SGIP1: variants seen among roughly 807,000 people sequenced by gnomAD.
The protein encoded by SGIP1 is SH3-containing GRB2-like protein 3-interacting protein 1.
SGIP1 carries 38 observed loss-of-function variants against 107.5 expected under a neutral mutation model. That is an observed-to-expected ratio of 0.35 (90% confidence interval 0.27 to 0.46). The LOEUF is 0.46. SGIP1 is among the 20% of genes least tolerant of loss of function. SGIP1 has a pLI of 1.00. For synonymous variants in SGIP1, 365 were observed against 366.1 expected (o/e 1.00, Z 0.03); for missense variants, 929 against 1,019.5 (o/e 0.91, Z 1.21).
intron 1 of SGIP1, among the ~76,000 whole-genome samples, chr1:66,554,414 C>T (rs1349178237): frequency 6.6e-6 from 1 of 152,150 alleles, no homozygotes; most frequent in Non-Finnish European, 1.5e-5. Context: ...ATCCATGCTA[C>T]TGTAACCTTT....
intron 7 of SGIP1, among the ~76,000 whole-genome samples, chr1:66,656,782 T>C (rs2079877557): frequency 1.3e-5 from 2 of 152,210 alleles, no homozygotes; most frequent in Non-Finnish European, 2.9e-5. Flanking sequence ...GCTTAATAAA[T>C]GAATAATCCT....
chr1:66,611,957 T>G (rs771294267), intron 1 of SGIP1, among the ~76,000 whole-genome samples: 7 of 152,196 alleles, frequency 4.6e-5, no homozygotes, highest in Non-Finnish European at 8.8e-5. Context: ...GTCAGTATTA[T>G]TCAACAGAAG....
rs114130334 is a variant in SGIP1 at position 66,721,346 on chromosome 1, C to T, written c.1742+1941C>T. On this transcript the variant is annotated intron_variant, in intron 19 of 24. Transcript: ENST00000371037. ...AAGAAAATTTATCACTGACTACTGA[C>T]CTTATACCTTAGAAAATCACGTTGG... Among the ~76,000 whole-genome samples, 1,179 of 152,280 alleles carry T rather than the reference C, an allele frequency of 7.7e-3. 19 individuals carry two copies. The highest frequency in any genetic ancestry group is 0.027 in the African/African-American group (1,123 of 41,556).
intron 21 of SGIP1, among the ~76,000 whole-genome samples, chr1:66,735,098 C>G (rs1572405353): frequency 1.3e-5 from 2 of 152,234 alleles, no homozygotes; most frequent in East Asian, 3.9e-4. Flanking sequence ...CAACATCTCT[C>G]TAAACAAACC....
intron 1 of SGIP1, among the ~76,000 whole-genome samples, chr1:66,616,882 G>A (rs2069455012): frequency 6.6e-6 from 1 of 152,034 alleles, no homozygotes; most frequent in Non-Finnish European, 1.5e-5. Flanking sequence ...TAGTGTCTCA[G>A]CATGAATTTT....
At chr1:66,681,622 T>C (rs199587922) in intron 14 of SGIP1, among the ~76,000 whole-genome samples, 1 of 152,214 alleles carries the variant, frequency 6.6e-6, no homozygotes, top group Non-Finnish European at 1.5e-5. Flanking sequence ...ATGGTCAAAG[T>C]AGCTAGCTGT....
At chr1:66,672,308 A>G (rs1056053068) in intron 11 of SGIP1, among the ~76,000 whole-genome samples, 5 of 152,116 alleles carry the variant, frequency 3.3e-5, no homozygotes, top group Non-Finnish European at 7.4e-5. Flanking sequence ...CTGATCTTCA[A>G]TATCATTATA....
Position 66,633,103 on chromosome 1 carries a change from TTAAA to T in SGIP1, c.99+13_99+16del. The T allele has an allele frequency of 6.6e-7, 1 of 1,520,604 alleles. No homozygotes were observed. Among genetic ancestry groups the T allele is most frequent in the Non-Finnish European group, 9.1e-7 (1 of 1,096,698 alleles). 94.2% of individuals were successfully genotyped at this position (1,520,604 alleles called of 1,614,324 possible). A position where few individuals can be genotyped will look rare whatever the true frequency, so the allele number is the denominator to read the frequency against. ...CAGATAGAGATGGAATTGTAAGTATTTAAATAACCATTTTTACTGAGTTTGTGCT... is the reference window on the plus strand; with the variant it reads ...CAGATAGAGATGGAATTGTAAGTATTTAACCATTTTTACTGAGTTTGTGCT... On this transcript the variant is annotated intron_variant, in intron 3 of 24. Transcript: ENST00000371037.
chr1:66,681,480 C>T (rs1290453626), intron 14 of SGIP1, among the ~76,000 whole-genome samples: 1 of 152,116 alleles, frequency 6.6e-6, no homozygotes, highest in African/African-American at 2.4e-5. Context: ...TCAGAAGGGA[C>T]CTTGCTTTTG....
intron 7 of SGIP1, among the ~76,000 whole-genome samples, chr1:66,644,508 G>C (rs1050125359): frequency 1.3e-5 from 2 of 152,142 alleles, no homozygotes; most frequent in Non-Finnish European, 2.9e-5. Context: ...GTGAGGAACA[G>C]ATGAAGGCTC....
intron 1 of SGIP1, among the ~76,000 whole-genome samples, chr1:66,542,855 T>C (rs1472675346): frequency 6.6e-6 from 1 of 152,152 alleles, no homozygotes; most frequent in Non-Finnish European, 1.5e-5. Context: ...TCCTTACTAG[T>C]GGCAGAACCA....
intron 18 of SGIP1, among the ~76,000 whole-genome samples, chr1:66,702,879 G>A (rs1213105273): frequency 2.0e-5 from 3 of 152,196 alleles, no homozygotes; most frequent in Non-Finnish European, 4.4e-5. Context: ...GGAACCCTGA[G>A]TGTCAGCTGC....
chr1:66,673,343 C>T lies in SGIP1; in HGVS notation c.623C>T (p.Ala208Val). ...APLFGPPLES[A>V]FDEQKTEVLL... is the part of the protein sequence containing the mutation. Reference sequence around the variant, plus strand: ...CTCTTTGGCCCACCACTAGAATCAGCTTTTGATGAACAGAAGACAGAAGGT... The same window carrying T: ...CTCTTTGGCCCACCACTAGAATCAGTTTTTGATGAACAGAAGACAGAAGGT... Residue 208 changes from alanine to valine, a missense_variant, in exon 12 of 25, where the codon GCT becomes GTT. By Grantham distance (64) the Ala-to-Val change is moderately conservative (BLOSUM62 0). This residue lies in a region of SGIP1 where 588 missense variants were observed against 588.6 expected (regional missense o/e 1.00). Transcript: ENST00000371037. 6.2e-7 allele frequency: 1 copy of T among 1,611,728 alleles called. No homozygotes were observed.
At chr1:66,704,471 C>G (rs1357661987) in intron 18 of SGIP1, 1 of 152,114 alleles carries the variant, frequency 6.6e-6, no homozygotes, top group East Asian at 1.9e-4. Context: ...GGCAGAAAAT[C>G]TTTTATCCTC....
chr1:66,613,496 T>C (rs2068492798), intron 1 of SGIP1, among the ~76,000 whole-genome samples: 1 of 152,002 alleles, frequency 6.6e-6, no homozygotes, highest in African/African-American at 2.4e-5. Flanking sequence ...TGCCCAGCTA[T>C]TTTTTGTATT....
At chr1:66,695,696 T>C (rs1203858776) in intron 18 of SGIP1, among the ~76,000 whole-genome samples, 1 of 152,202 alleles carries the variant, frequency 6.6e-6, no homozygotes, top group African/African-American at 2.4e-5. Context: ...TTTTTTCACA[T>C]TAAAAAAAGT....
At chr1:66,540,851 C>T (rs2054758758) in intron 1 of SGIP1, among the ~76,000 whole-genome samples, 1 of 152,130 alleles carries the variant, frequency 6.6e-6, no homozygotes, top group African/African-American at 2.4e-5. Context: ...GGCTCTGTTT[C>T]CTTGCAAACA....
chr1:66,668,899 G>T (rs985304332), intron 9 of SGIP1, among the ~76,000 whole-genome samples: 2 of 152,186 alleles, frequency 1.3e-5, no homozygotes, highest in Non-Finnish European at 2.9e-5. Flanking sequence ...ACAAAGGGAG[G>T]TTTTTGAATC....
chr1:66,680,753 C>G (rs2086522853), intron 14 of SGIP1, among the ~76,000 whole-genome samples: 1 of 152,132 alleles, frequency 6.6e-6, no homozygotes, highest in South Asian at 2.1e-4. Context: ...TTATCTGTAG[C>G]CTTGGAACCT....
Sources: gnomAD v4.1 joint callset for allele counts (sites outside exome capture counted in the v4.1 genomes callset) on GRCh38, gnomAD v4.1.1 for gene constraint, gnomAD v4.1.1 regional missense constraint, MANE v1.5 for transcripts, NCBI Gene and HGNC (gene_info 2026-07-23, HGNC 2026-07-21) for gene names.